AIG1: variants seen among roughly 807,000 people sequenced by gnomAD.
AIG1 encodes androgen-induced gene 1 protein.
In AIG1, 23 loss-of-function variants were observed where a neutral mutation model predicts 31.4. The ratio of observed to expected loss-of-function variants is 0.73; its 90% CI spans 0.53 to 1.04. The LOEUF is 1.04. Among genes scored for constraint, AIG1 ranks in the 50% least tolerant of loss-of-function variants. The probability of loss-of-function intolerance (pLI) is 0.00; values close to 1 mark genes in which losing one functional copy is unlikely to be tolerated. For synonymous variants in AIG1, 100 were observed against 110.5 expected (o/e 0.90, Z 0.60); for missense variants, 274 against 295.0 (o/e 0.93, Z 0.52).
At chr6:143,110,140 A>G (rs904039805) in intron 1 of AIG1, among the ~76,000 whole-genome samples, 17 of 152,056 alleles carry the variant, frequency 1.1e-4, no homozygotes, top group Admixed American at 3.3e-4. Context: ...TTGACCGTTT[A>G]TGTGTGGGTC....
intron 1 of AIG1, among the ~76,000 whole-genome samples, chr6:143,073,036 C>G (rs563838274): frequency 6.6e-6 from 1 of 152,314 alleles, no homozygotes; most frequent in African/African-American, 2.4e-5. Context: ...TTCCTCCCCA[C>G]TTCCCACTCC....
At chr6:143,193,343 C>T (rs1193333825) in intron 3 of AIG1, among the ~76,000 whole-genome samples, 5 of 152,136 alleles carry the variant, frequency 3.3e-5, no homozygotes, top group African/African-American at 4.8e-5. Flanking sequence ...TCTTTCATTC[C>T]TACCATATAT....
chr6:143,339,523 A>C, intron 5 of AIG1, 116 bp from the exon 6 acceptor site: 1 of 1,021,016 alleles, frequency 9.8e-7, no homozygotes, highest in East Asian at 2.6e-5. Flanking sequence ...AGGAGGGTGA[A>C]TGGGAGAAGT....
At chr6:143,277,379 G>A (rs562355182) in intron 3 of AIG1, among the ~76,000 whole-genome samples, 1 of 152,046 alleles carries the variant, frequency 6.6e-6, no homozygotes, top group Non-Finnish European at 1.5e-5. Flanking sequence ...TCCCATCTTC[G>A]TAGGCAAGTC....
rs968432394 is a variant in AIG1 at position 143,328,419 on chromosome 6, A to C, written c.516-4863A>C. Among the ~76,000 whole-genome samples, 10 of 152,220 alleles carry C rather than the reference A, an allele frequency of 6.6e-5. No individual in the cohort carries two copies. Among genetic ancestry groups the C allele is most frequent in the African/African-American group, 1.7e-4 (7 of 41,460 alleles). On this transcript the variant is annotated intron_variant, in intron 4 of 5. Coordinates refer to ENST00000357847, the MANE Select transcript of AIG1 (RefSeq NM_016108.4). This position sits in a 1 kb window ranked among gnomAD's most constrained non-coding sequence, Gnocchi z 4.0. ...TGGTTTGAAAGAAAGTTAAATACAC[A>C]AGAGAAAGAAAGACTAAAGGCAAGT...
intron 1 of AIG1, chr6:143,061,555 A>G (rs563028568): frequency 2.8e-5 from 9 of 316,304 alleles, no homozygotes; most frequent in South Asian, 8.1e-5. Context: ...AATCCTTCTC[A>G]TAAGGGAGAG....
At chr6:143,090,050 G>A (rs936955485) in intron 1 of AIG1, among the ~76,000 whole-genome samples, 1 of 152,218 alleles carries the variant, frequency 6.6e-6, no homozygotes, top group African/African-American at 2.4e-5. Context: ...AGAATGAAGA[G>A]TTGAGTTGGT....
intron 1 of AIG1, among the ~76,000 whole-genome samples, chr6:143,067,631 A>G (rs149722975): frequency 1.2e-3 from 185 of 152,342 alleles, no homozygotes; most frequent in Non-Finnish European, 2.3e-3. Context: ...CATAAAACAT[A>G]TTCTTGTCTC....
At chr6:143,131,951 T>C (rs991496214) in intron 1 of AIG1, among the ~76,000 whole-genome samples, 1 of 152,218 alleles carries the variant, frequency 6.6e-6, no homozygotes, top group African/African-American at 2.4e-5. Context: ...GGTTGCTCTG[T>C]GGTTTACAAT....
chr6:143,315,955 C>T (rs1775710241), intron 4 of AIG1, among the ~76,000 whole-genome samples: 1 of 151,938 alleles, frequency 6.6e-6, no homozygotes. Context: ...GAAGCCATAT[C>T]TTTTATTTTA....
At chr6:143,091,652 C>T (rs1242273024) in intron 1 of AIG1, among the ~76,000 whole-genome samples, 1 of 152,104 alleles carries the variant, frequency 6.6e-6, no homozygotes, top group Non-Finnish European at 1.5e-5. Context: ...CAATGAAAGA[C>T]AGTAGGTTGG....
chr6:143,242,557 G>A (rs955604143), intron 3 of AIG1, among the ~76,000 whole-genome samples: 26 of 152,094 alleles, frequency 1.7e-4, no homozygotes, highest in South Asian at 4.2e-4. Flanking sequence ...AGCCAGTATC[G>A]ACATCCATTT....
chr6:143,311,118 C>G (rs1246254773), intron 4 of AIG1, among the ~76,000 whole-genome samples: 1 of 151,744 alleles, frequency 6.6e-6, no homozygotes, highest in African/African-American at 2.4e-5. Context: ...GCCTTAATAC[C>G]AAAACAACTA....
At chr6:143,156,864 C>A (rs1173173982) in intron 2 of AIG1, among the ~76,000 whole-genome samples, 1 of 152,204 alleles carries the variant, frequency 6.6e-6, no homozygotes, top group Non-Finnish European at 1.5e-5. Flanking sequence ...GAGGAGGGAG[C>A]ATGACCTTGG....
chr6:143,084,666 G>A (rs1370235791), intron 1 of AIG1, among the ~76,000 whole-genome samples: 1 of 152,194 alleles, frequency 6.6e-6, no homozygotes, highest in African/African-American at 2.4e-5. Flanking sequence ...CTTCAATAGA[G>A]TCGGGTGACA....
At chr6:143,066,184 G>C (rs1038177212) in intron 1 of AIG1, among the ~76,000 whole-genome samples, 2 of 152,180 alleles carry the variant, frequency 1.3e-5, no homozygotes, top group African/African-American at 4.8e-5. Flanking sequence ...ATTCAAGGTT[G>C]ATAAATGCTG....
intron 2 of AIG1, among the ~76,000 whole-genome samples, chr6:143,164,655 A>G (rs1289238526): frequency 1.3e-5 from 2 of 152,206 alleles, no homozygotes; most frequent in African/African-American, 4.8e-5. Context: ...TTTAAACCAC[A>G]TGATGGGTTC....
intron 3 of AIG1, among the ~76,000 whole-genome samples, chr6:143,230,207 A>G (rs185368162): frequency 7.9e-5 from 12 of 152,276 alleles, no homozygotes; most frequent in South Asian, 2.1e-4. Flanking sequence ...CTATTGATAC[A>G]TGAAATGATT....
intron 3 of AIG1, among the ~76,000 whole-genome samples, chr6:143,203,507 G>C (rs1480184685): frequency 1.3e-5 from 2 of 152,158 alleles, no homozygotes; most frequent in African/African-American, 4.8e-5. Flanking sequence ...AGAAGTTGAA[G>C]ATATATTCAC....
Sources: allele counts gnomAD v4.1 joint callset (sites outside exome capture counted in the v4.1 genomes callset), GRCh38; gene constraint gnomAD v4.1.1; non-coding constraint Gnocchi (gnomAD v3.1); transcripts MANE v1.5; gene names NCBI Gene and HGNC (gene_info 2026-07-23, HGNC 2026-07-21).